Variants in MEI4 observed in about 807,000 individuals in gnomAD.
MEI4 encodes meiosis-specific protein MEI4.
In MEI4, 27 loss-of-function variants were observed where a neutral mutation model predicts 31.4. That is an observed-to-expected ratio of 0.86 (90% CI 0.63 to 1.19). The LOEUF is 1.19. Among genes scored for constraint, MEI4 ranks in the 50% most tolerant of loss-of-function variants. The pLI is 0.00. For missense variants in MEI4, 329 were observed against 398.9 expected, an observed-to-expected ratio of 0.82 and a Z score of 1.49; for synonymous variants, 122 against 145.4, an observed-to-expected ratio of 0.84 and a Z score of 1.16.
At chr6:77,884,050 C>T (rs1227679012) in intron 4 of MEI4, among the ~76,000 whole-genome samples, 1 of 151,904 alleles carries the variant, frequency 6.6e-6, no homozygotes. Flanking sequence ...GGATAATAGC[C>T]ATTGTAATAG....
At chr6:77,687,029 T>A (rs1448031282) in intron 1 of MEI4, among the ~76,000 whole-genome samples, 1 of 151,898 alleles carries the variant, frequency 6.6e-6, no homozygotes, top group African/African-American at 2.4e-5. Context: ...GCAGGAGAAA[T>A]AAATGATACA....
intron 2 of MEI4, among the ~76,000 whole-genome samples, chr6:77,733,411 G>T (rs1177503040): frequency 2.0e-5 from 3 of 152,184 alleles, no homozygotes; most frequent in South Asian, 2.1e-4. Flanking sequence ...TGGTTTATTT[G>T]CGTAGAGGTG....
At chr6:77,850,090 A>G (rs561237560) in intron 4 of MEI4, among the ~76,000 whole-genome samples, 1 of 152,148 alleles carries the variant, frequency 6.6e-6, no homozygotes, top group Non-Finnish European at 1.5e-5. Context: ...ACTTTATTGA[A>G]AAGCACCTAC....
chr6:77,922,863 G>C (rs1028061595), intron 4 of MEI4, among the ~76,000 whole-genome samples: 1 of 151,668 alleles, frequency 6.6e-6, no homozygotes, highest in African/African-American at 2.4e-5. Context: ...AAAGGATTTG[G>C]AGCTTCATGA....
At chr6:77,707,032 G>T (rs1440014038) in intron 2 of MEI4, among the ~76,000 whole-genome samples, 2 of 117,162 alleles carry the variant, frequency 1.7e-5, no homozygotes, top group African/African-American at 2.9e-5. Context: ...TGTGGATGTG[G>T]TTTTGAAAGT....
In MEI4 at chr6:77,832,118, T is replaced by G. The variant is rs191647204; in HGVS notation, c.900+3056T>G. ...TGTGCATTCTACTATGTGTAGACTGTTCCTCAACTAAAATATAGTTTTTGA... is the reference window on the plus strand; with the variant it reads ...TGTGCATTCTACTATGTGTAGACTGGTCCTCAACTAAAATATAGTTTTTGA... On this transcript the variant is annotated intron_variant, in intron 4 of 4. Coordinates refer to ENST00000684080, the MANE Select transcript of MEI4 (RefSeq NM_001322247.2). Among the ~76,000 whole-genome samples, 5 of 152,066 alleles carry G rather than the reference T, an allele frequency of 3.3e-5. No homozygotes were observed. In the East Asian group the frequency reaches 9.7e-4, roughly 29 times the overall value.
At chr6:77,743,120 A>G (rs570632291) in intron 2 of MEI4, among the ~76,000 whole-genome samples, 15 of 152,156 alleles carry the variant, frequency 9.9e-5, no homozygotes, top group Non-Finnish European at 2.1e-4. Context: ...TTTTGGTTCC[A>G]TATGAACTTG....
intron 3 of MEI4, among the ~76,000 whole-genome samples, chr6:77,810,635 G>A (rs1769554266): frequency 6.6e-6 from 1 of 152,088 alleles, no homozygotes; most frequent in African/African-American, 2.4e-5. Flanking sequence ...TTAAAACTCA[G>A]ACTTCATGAG....
chr6:77,828,866 G>A, intron 3 of MEI4, 65 bp from the exon 4 acceptor site: 1 of 1,171,044 alleles, frequency 8.5e-7, no homozygotes, highest in Non-Finnish European at 1.1e-6. Context: ...CAGTAGTAAG[G>A]TCTTAGAAAA....
chr6:77,894,690 T>C (rs1766043694), intron 4 of MEI4, among the ~76,000 whole-genome samples: 1 of 152,200 alleles, frequency 6.6e-6, no homozygotes, highest in African/African-American at 2.4e-5. Flanking sequence ...GGTTCTGCTC[T>C]CTTGTGAGCC....
chr6:77,652,354 A>C (rs1768313405), upstream of MEI4, among the ~76,000 whole-genome samples: 2 of 152,216 alleles, frequency 1.3e-5, no homozygotes, highest in Admixed American at 6.5e-5. Context: ...AGGGTCAAAT[A>C]CTGCAGATAA....
At chr6:77,877,647 G>T (rs940893330) in intron 4 of MEI4, among the ~76,000 whole-genome samples, 2 of 150,556 alleles carry the variant, frequency 1.3e-5, no homozygotes, top group African/African-American at 4.9e-5. Context: ...TTGAAATTGT[G>T]TCTCTCTCCC....
chr6:77,830,094 A>G (rs2127711680), intron 4 of MEI4, among the ~76,000 whole-genome samples: 1 of 152,220 alleles, frequency 6.6e-6, no homozygotes, highest in South Asian at 2.1e-4. Context: ...TGATGTTTTC[A>G]TAGGAGTTCC....
chr6:77,817,310 G>C (rs1769712027), intron 3 of MEI4, among the ~76,000 whole-genome samples: 1 of 152,096 alleles, frequency 6.6e-6, no homozygotes, highest in Non-Finnish European at 1.5e-5. Flanking sequence ...GTGAGGATAG[G>C]GATGGTGAAG....
chr6:77,837,122 A>T (rs1770238097), intron 4 of MEI4, among the ~76,000 whole-genome samples: 1 of 152,120 alleles, frequency 6.6e-6, no homozygotes, highest in African/African-American at 2.4e-5. Context: ...TTAAGAAAAA[A>T]TTTCCATTCC....
In MEI4 at chr6:77,925,320, C is replaced by T. The variant is rs1766817903; in HGVS notation, c.*1974C>T. 6.6e-6 allele frequency: 1 copy of T among 151,932 alleles called. No individual in the cohort carries two copies. Among genetic ancestry groups the T allele is most frequent in the Non-Finnish European group, 1.5e-5 (1 of 67,886 alleles). 9.4% of individuals were successfully genotyped at this position (151,932 alleles called of 1,614,324 possible). On this transcript the variant is annotated 3_prime_UTR_variant, in exon 5 of 5. Coordinates refer to ENST00000684080, the MANE Select transcript of MEI4 (RefSeq NM_001322247.2). ...CACAAAATGGAGAAACATTTTATTTCCATTTGGTATCCATTTTATATAAAC... is the reference window on the plus strand; with the variant it reads ...CACAAAATGGAGAAACATTTTATTTTCATTTGGTATCCATTTTATATAAAC...
rs1374569452 is a variant in MEI4, at chr6:77,765,689, ATAT to A, written c.768+4025_768+4027del. 1.8e-3 allele frequency among the ~76,000 whole-genome samples: 273 copies of A among 151,452 alleles called. 1 individual carries two copies. Among genetic ancestry groups the A allele is most frequent in the Non-Finnish European group, 3.1e-3 (213 of 67,982 alleles). ...TGACCCAGCCATCCCATTACTGGGT[ATAT>A]ACCCAAAGGATTATAAATCATGCTG... On this transcript the variant is annotated intron_variant, in intron 3 of 4. Coordinates refer to ENST00000684080, the MANE Select transcript of MEI4 (RefSeq NM_001322247.2).
chr6:77,748,312 C>A lies in MEI4; in HGVS notation c.233-12818C>A, dbSNP rs1029753416. 2.0e-5 allele frequency among the ~76,000 whole-genome samples: 3 copies of A among 152,238 alleles called. No homozygotes were observed. The South Asian group carries it at 6.2e-4, about 31-fold the overall frequency. ...TGGACATCCAGGCATTTCCATACAT[C>A]CTCTGAAATCTAGTCAGTGGTTTCC... On this transcript the variant is annotated intron_variant, in intron 2 of 4. Transcript: ENST00000684080.
At chr6:77,791,187 T>C (rs1768918204) in intron 3 of MEI4, among the ~76,000 whole-genome samples, 2 of 152,152 alleles carry the variant, frequency 1.3e-5, no homozygotes, top group South Asian at 4.1e-4. Flanking sequence ...ACTGGGTATA[T>C]ACCCAAAGAT....
Sources: gnomAD v4.1 joint callset for allele counts (sites outside exome capture counted in the v4.1 genomes callset) on GRCh38, gnomAD v4.1.1 for gene constraint, MANE v1.5 for transcripts, NCBI Gene and HGNC (gene_info 2026-07-23, HGNC 2026-07-21) for gene names.